Variants in RBMS3 observed in about 807,000 individuals in gnomAD.
RBMS3 encodes the protein RNA binding motif single stranded interacting protein 3.
In RBMS3, 27 loss-of-function variants were observed where a neutral mutation model predicts 66.8. That is an observed-to-expected ratio of 0.40 (90% CI 0.30 to 0.56). The LOEUF (loss-of-function observed/expected upper bound fraction) is 0.56. Among genes scored for constraint, RBMS3 ranks in the 20% least tolerant of loss-of-function variants. The probability of loss-of-function intolerance (pLI) is 0.40; values close to 1 mark genes in which losing one functional copy is unlikely to be tolerated. For missense variants in RBMS3, 513 were observed against 549.5 expected (o/e 0.93, Z 0.66); for synonymous variants, 188 against 183.0 (o/e 1.03, Z -0.22).
intron 6 of RBMS3, among the ~76,000 whole-genome samples, chr3:29,798,540 C>A (rs913934616): frequency 1.3e-5 from 2 of 152,052 alleles, no homozygotes; most frequent in Non-Finnish European, 2.9e-5. Context: ...AATTTATTGG[C>A]AAACAAACCA....
intron 4 of RBMS3, among the ~76,000 whole-genome samples, chr3:29,667,696 A>C: frequency 6.6e-6 from 1 of 152,168 alleles, no homozygotes; most frequent in Non-Finnish European, 1.5e-5. Context: ...AGCAACCATG[A>C]ATATTATTTG....
intron 6 of RBMS3, among the ~76,000 whole-genome samples, chr3:29,816,299 CAGACACACACAG>C (rs1480239947): frequency 1.1e-5 from 1 of 91,388 alleles, no homozygotes; most frequent in African/African-American, 4.1e-5. Flanking sequence ...CAGACACACA[CAGACACACACAG>C]ACACACACAC....
chr3:29,435,843 C>T (rs1219059493), intron 2 of RBMS3, among the ~76,000 whole-genome samples: 1 of 151,854 alleles, frequency 6.6e-6, no homozygotes, highest in Admixed American at 6.6e-5. Flanking sequence ...GGCATGGTGG[C>T]GGGCGCCTGT....
At chr3:29,967,043 C>A (rs1483417047) in intron 12 of RBMS3, among the ~76,000 whole-genome samples, 1 of 152,150 alleles carries the variant, frequency 6.6e-6, no homozygotes, top group Non-Finnish European at 1.5e-5. Context: ...AGGAAACCCA[C>A]TTGATCATGG....
At chr3:29,289,264 C>T (rs926502999) in intron 1 of RBMS3, among the ~76,000 whole-genome samples, 1 of 151,848 alleles carries the variant, frequency 6.6e-6, no homozygotes, top group Non-Finnish European at 1.5e-5. Context: ...AAGGGTGGTC[C>T]ATACATAAGT....
At chr3:29,320,779 A>G (rs2034960466) in intron 1 of RBMS3, among the ~76,000 whole-genome samples, 1 of 151,934 alleles carries the variant, frequency 6.6e-6, no homozygotes, top group Non-Finnish European at 1.5e-5. Flanking sequence ...TTTGAAGTGG[A>G]GGGCTATTAA....
intron 1 of RBMS3, among the ~76,000 whole-genome samples, chr3:29,403,493 T>A (rs1295199502): frequency 6.6e-6 from 1 of 151,980 alleles, no homozygotes; most frequent in Non-Finnish European, 1.5e-5. Context: ...CCAGGGAAGA[T>A]GAGCTGGGGA....
chr3:29,983,282 A>G (rs963544987), intron 12 of RBMS3, among the ~76,000 whole-genome samples: 2 of 138,310 alleles, frequency 1.4e-5, no homozygotes, highest in African/African-American at 5.4e-5. Context: ...ACATTCCTCC[A>G]TTCCTTTATT....
intron 5 of RBMS3, among the ~76,000 whole-genome samples, chr3:29,750,711 C>T (rs1242013483): frequency 6.6e-6 from 1 of 152,100 alleles, no homozygotes; most frequent in Non-Finnish European, 1.5e-5. Context: ...CCACCTTCCA[C>T]CTTCTGAAGG....
Position 30,003,889 on chromosome 3 carries a change from T to A in RBMS3, c.*27T>A, listed in dbSNP as rs756951280. On this transcript the variant is annotated 3_prime_UTR_variant, in exon 15 of 15. Transcript: ENST00000383767. ...CAGGACTGAAGAATGTCTGTCTGAA[T>A]CTTTGCCTTGAATGAAGAAACTTCA... The A allele has an allele frequency of 6.9e-6, 10 of 1,443,378 alleles. No homozygotes were observed. Among genetic ancestry groups the A allele is most frequent in the Non-Finnish European group, 9.2e-6 (10 of 1,089,726 alleles). The allele number at this position is 1,443,378 out of a possible 1,614,324, so 89.4% of individuals were successfully genotyped here. A position where few individuals can be genotyped will look rare whatever the true frequency, so the allele number is the denominator to read the frequency against.
At chr3:29,583,891 G>A (rs2047418375) in intron 3 of RBMS3, among the ~76,000 whole-genome samples, 2 of 150,830 alleles carry the variant, frequency 1.3e-5, no homozygotes, top group African/African-American at 4.9e-5. Flanking sequence ...GAATCAGGTG[G>A]GAAATAGACA....
At chr3:29,833,515 C>A (rs543333094) in intron 6 of RBMS3, among the ~76,000 whole-genome samples, 2 of 152,064 alleles carry the variant, frequency 1.3e-5, no homozygotes, top group African/African-American at 4.8e-5. Flanking sequence ...AACAGAAATT[C>A]TGGAGCTGAA....
intron 6 of RBMS3, among the ~76,000 whole-genome samples, chr3:29,798,646 C>G (rs2149439229): frequency 6.6e-6 from 1 of 152,212 alleles, no homozygotes; most frequent in East Asian, 1.9e-4. Flanking sequence ...GCATGTTATG[C>G]TTTTCACCAA....
At chr3:29,443,227 A>G (rs534846431) in intron 2 of RBMS3, among the ~76,000 whole-genome samples, 1 of 152,206 alleles carries the variant, frequency 6.6e-6, no homozygotes, top group South Asian at 2.1e-4. Flanking sequence ...ATCAATTTCC[A>G]AGACCTCAAC....
chr3:29,927,219 C>T (rs2060961822), intron 10 of RBMS3: 1 of 152,128 alleles, frequency 6.6e-6, no homozygotes, highest in African/African-American at 2.4e-5. Flanking sequence ...TCTTTTACGT[C>T]CATCTTTTTG....
At chr3:29,365,755 AT>A (rs1476396810) in intron 1 of RBMS3, among the ~76,000 whole-genome samples, 1 of 152,100 alleles carries the variant, frequency 6.6e-6, no homozygotes, top group Non-Finnish European at 1.5e-5. Flanking sequence ...TGTCTACTGT[AT>A]TTCCTCTGTT....
intron 4 of RBMS3, among the ~76,000 whole-genome samples, chr3:29,705,840 C>T (rs898163957): frequency 6.6e-6 from 1 of 152,154 alleles, no homozygotes; most frequent in African/African-American, 2.4e-5. Context: ...TAAGGTGGCA[C>T]TAAGTCCATA....
intron 3 of RBMS3, among the ~76,000 whole-genome samples, chr3:29,585,578 T>A (rs2047489627): frequency 6.6e-6 from 1 of 152,108 alleles, no homozygotes; most frequent in African/African-American, 2.4e-5. Flanking sequence ...TTATTATGAC[T>A]TCACCAAGTG....
At chr3:29,887,988 G>A (rs1559770318) in intron 8 of RBMS3, among the ~76,000 whole-genome samples, 1 of 151,720 alleles carries the variant, frequency 6.6e-6, no homozygotes, top group Non-Finnish European at 1.5e-5. Flanking sequence ...GGACAGCCTA[G>A]AACACAGTGA....
Sources: gnomAD v4.1 joint callset for allele counts (sites outside exome capture counted in the v4.1 genomes callset) on GRCh38, gnomAD v4.1.1 for gene constraint, MANE v1.5 for transcripts, NCBI Gene and HGNC (gene_info 2026-07-23, HGNC 2026-07-21) for gene names.